The following SH2D4B variants were observed in gnomAD, a reference collection of about 807,000 sequenced individuals.
SH2D4B encodes SH2 domain containing 4B.
SH2D4B carries 45 observed loss-of-function variants against 61.5 expected under a neutral mutation model. The ratio of observed to expected loss-of-function variants is 0.73; its 90% CI spans 0.58 to 0.94. The LOEUF (loss-of-function observed/expected upper bound fraction) is 0.94. Ranked by LOEUF, SH2D4B falls within the 40% of genes least tolerant of loss-of-function variation. The pLI, the probability that SH2D4B is intolerant of heterozygous loss-of-function variation, is 0.00. For synonymous variants in SH2D4B, 224 were observed against 220.4 expected (o/e 1.02, Z -0.14); for missense variants, 572 against 574.2 (o/e 1.00, Z 0.04).
intron 6 of SH2D4B, among the ~76,000 whole-genome samples, chr10:80,632,063 A>AG (rs1842839049): frequency 6.6e-6 from 1 of 152,082 alleles, no homozygotes; most frequent in Admixed American, 6.6e-5. Flanking sequence ...TCGGCCTCCC[A>AG]AGTGGGTGTA....
intron 5 of SH2D4B, among the ~76,000 whole-genome samples, chr10:80,608,223 T>C (rs892001217): frequency 2.0e-5 from 3 of 151,760 alleles, no homozygotes; most frequent in Admixed American, 6.6e-5. Context: ...ACAGAGGAAA[T>C]GGAGGTGGAA....
intron 7 of SH2D4B, among the ~76,000 whole-genome samples, chr10:80,638,399 G>A (rs755852085): frequency 3.3e-5 from 5 of 152,184 alleles, no homozygotes; most frequent in Non-Finnish European, 7.3e-5. Context: ...GAATTTAGCT[G>A]TGAATCCGTG....
intron 1 of SH2D4B, among the ~76,000 whole-genome samples, chr10:80,565,418 T>C (rs1228062889): frequency 6.6e-6 from 1 of 151,334 alleles, no homozygotes; most frequent in East Asian, 1.9e-4. Context: ...AAGAGACATG[T>C]TCTTGCCCTC....
intron 1 of SH2D4B, among the ~76,000 whole-genome samples, chr10:80,562,611 C>T (rs761962899): frequency 2.6e-5 from 4 of 152,250 alleles, no homozygotes; most frequent in South Asian, 2.1e-4. Flanking sequence ...CTTCAGCATA[C>T]GGATTTCATT....
chr10:80,627,754 T>C (rs1263646394), intron 6 of SH2D4B, among the ~76,000 whole-genome samples: 9 of 151,580 alleles, frequency 5.9e-5, no homozygotes, highest in African/African-American at 1.7e-4. Flanking sequence ...GCCCGGCTTC[T>C]AGATGGTGCT....
intron 1 of SH2D4B, among the ~76,000 whole-genome samples, chr10:80,558,828 C>T (rs776621099): frequency 6.6e-5 from 10 of 152,120 alleles, no homozygotes; most frequent in Non-Finnish European, 1.2e-4. Flanking sequence ...TGAAAGCATA[C>T]AATTTAATAG....
chr10:80,587,534 C>T (rs1227027865), intron 3 of SH2D4B, among the ~76,000 whole-genome samples: 2 of 151,910 alleles, frequency 1.3e-5, no homozygotes, highest in Middle Eastern at 3.2e-3. Flanking sequence ...CTGCCTTGGC[C>T]TCCCAGAGTG....
chr10:80,549,134 T>C (rs999376065), intron 1 of SH2D4B, among the ~76,000 whole-genome samples: 3 of 151,468 alleles, frequency 2.0e-5, no homozygotes, highest in Admixed American at 6.6e-5. Flanking sequence ...TGGCTAAACA[T>C]AGGGCTCCCT....
At chr10:80,613,768 C>T (rs540266029) in intron 6 of SH2D4B, among the ~76,000 whole-genome samples, 3 of 152,274 alleles carry the variant, frequency 2.0e-5, no homozygotes, top group South Asian at 2.1e-4. Flanking sequence ...TTATGAGATG[C>T]GAGAGCTCCA....
chr10:80,617,547 A>G (rs904112157), intron 6 of SH2D4B, among the ~76,000 whole-genome samples: 12 of 152,190 alleles, frequency 7.9e-5, no homozygotes, highest in African/African-American at 2.9e-4. Context: ...GTTGAGTGCT[A>G]AGTACAGGGT....
intron 1 of SH2D4B, among the ~76,000 whole-genome samples, chr10:80,561,877 A>G (rs1841905801): frequency 1.3e-5 from 2 of 152,196 alleles, no homozygotes; most frequent in Non-Finnish European, 2.9e-5. Context: ...AACTGGATGA[A>G]GTCCAATTTT....
At chr10:80,543,313 C>A (rs1056437010) in intron 1 of SH2D4B, among the ~76,000 whole-genome samples, 1 of 152,092 alleles carries the variant, frequency 6.6e-6, no homozygotes, top group Admixed American at 6.5e-5. Flanking sequence ...TTCCGGGGGG[C>A]GTGGGCTGGG....
At chr10:80,554,775 C>G (rs991674477) in intron 1 of SH2D4B, among the ~76,000 whole-genome samples, 1 of 151,958 alleles carries the variant, frequency 6.6e-6, no homozygotes, top group African/African-American at 2.4e-5. Flanking sequence ...TTTGGGAGGC[C>G]GAGGCGGGTG....
At chr10:80,546,154 C>T (rs1309288075) in intron 1 of SH2D4B, among the ~76,000 whole-genome samples, 13 of 151,700 alleles carry the variant, frequency 8.6e-5, no homozygotes, top group Admixed American at 7.2e-4. Flanking sequence ...AAGTGATCCT[C>T]GCACCTCAGC....
At chr10:80,588,860 C>G in intron 4 of SH2D4B, 83 bp downstream of exon 4, 1 of 1,528,076 alleles carries the variant, frequency 6.5e-7, no homozygotes, top group Non-Finnish European at 8.9e-7. Context: ...ACTCATTCGT[C>G]ATTTCCATTC....
chr10:80,611,203 A>G (rs1004454871), intron 6 of SH2D4B, among the ~76,000 whole-genome samples: 4 of 138,924 alleles, frequency 2.9e-5, no homozygotes, highest in Non-Finnish European at 4.6e-5. Flanking sequence ...AAAAAAAAAA[A>G]CATTGATGAT....
chr10:80,540,305 G>A (rs528353725), intron 1 of SH2D4B, among the ~76,000 whole-genome samples: 24 of 152,280 alleles, frequency 1.6e-4, no homozygotes, highest in Middle Eastern at 3.4e-3. Context: ...CATGCCACTG[G>A]GGAGCCTGGG....
chr10:80,623,799 G>A lies in SH2D4B; in HGVS notation c.989-10486G>A, dbSNP rs149773676. ...TGCCATTAGATGCATGCTGTGTGTG[G>A]CTCTGTTGTATTATTTCCAACTGCT... On this transcript the variant is annotated intron_variant, in intron 6 of 7. Transcript: ENST00000646907. Among the ~76,000 whole-genome samples the A allele has an allele frequency of 5.9e-3, 896 of 152,272 alleles. 10 individuals are homozygous for A. The highest frequency in any genetic ancestry group is 0.02 in the African/African-American group (851 of 41,552).
intron 6 of SH2D4B, among the ~76,000 whole-genome samples, chr10:80,629,450 C>A (rs533487227): frequency 4.6e-5 from 7 of 152,250 alleles, no homozygotes; most frequent in African/African-American, 1.7e-4. Flanking sequence ...TCAGCAATAT[C>A]AAAAAGGAGG....
Sources: allele counts gnomAD v4.1 joint callset (sites outside exome capture counted in the v4.1 genomes callset), GRCh38; gene constraint gnomAD v4.1.1; transcripts MANE v1.5; gene names NCBI Gene and HGNC (gene_info 2026-07-23, HGNC 2026-07-21).